ACACA: variants seen among roughly 807,000 people sequenced by gnomAD.
ACACA encodes the protein acetyl-CoA carboxylase 1.
Under a neutral mutation model 296.1 loss-of-function variants are expected in ACACA, and 103 were observed. The ratio of observed to expected loss-of-function variants is 0.35; its 90% CI spans 0.30 to 0.41. The LOEUF (loss-of-function observed/expected upper bound fraction) is 0.41. Among genes scored for constraint, ACACA ranks in the 10% least tolerant of loss-of-function variants. ACACA has a pLI of 1.00. For missense variants in ACACA, 1,554 were observed against 2,989.7 expected (o/e 0.52, Z 11.20); for synonymous variants, 953 against 1,038.6 (o/e 0.92, Z 1.58).
At chr17:37,314,803 G>A (rs1338171762) in intron 3 of ACACA, among the ~76,000 whole-genome samples, 1 of 150,364 alleles carries the variant, frequency 6.7e-6, no homozygotes, top group African/African-American at 2.4e-5. Context: ...CCCATGCCCG[G>A]GTAAGTTTTG....
At chr17:37,124,403 T>A (rs992585184) in intron 48 of ACACA, among the ~76,000 whole-genome samples, 3 of 152,238 alleles carry the variant, frequency 2.0e-5, no homozygotes, top group Non-Finnish European at 4.4e-5. Context: ...TGGGAGGATC[T>A]TAAAGAACTT....
chr17:37,095,279 C>T (rs2142653085), intron 54 of ACACA, among the ~76,000 whole-genome samples: 1 of 152,334 alleles, frequency 6.6e-6, no homozygotes, highest in South Asian at 2.1e-4. Flanking sequence ...ATGCCAACTT[C>T]CACTAGAAGC....
At chr17:37,102,440 G>T (rs1373541459) in intron 52 of ACACA, among the ~76,000 whole-genome samples, 1 of 152,136 alleles carries the variant, frequency 6.6e-6, no homozygotes, top group African/African-American at 2.4e-5. Flanking sequence ...GACCTCAGGT[G>T]ATCTGCCTGC....
At position 37,111,628 on chromosome 17, in the gene ACACA, C is replaced by T; in HGVS notation, c.6468G>A (p.Glu2156=). 1 of 1,613,910 alleles carries T rather than the reference C, an allele frequency of 6.2e-7. No individual in the cohort carries two copies. Among genetic ancestry groups the T allele is most frequent in the East Asian group, 2.2e-5 (1 of 44,882 alleles). The change falls in exon 52 of 56, where the codon GAG becomes GAA. Residue 2156 remains glutamate, a synonymous_variant. Coordinates refer to ENST00000616317, the MANE Select transcript of ACACA (RefSeq NM_198834.3). The stretch of plus-strand genomic sequence containing the variant: ...ATTTGATTTCTACTGTCCCTTCTGG[C>T]TCCAGAACAGATCCCCTGGATCAGA... ...ADRESRGSVL[E]PEGTVEIKFR...
intron 3 of ACACA, among the ~76,000 whole-genome samples, chr17:37,295,695 C>A (rs1456604732): frequency 6.6e-6 from 1 of 152,008 alleles, no homozygotes; most frequent in Non-Finnish European, 1.5e-5. Context: ...GAGGCTGAGG[C>A]GGGTGGATCA....
In ACACA at chr17:37,202,649, C is replaced by T. The variant is rs2078300612; in HGVS notation, c.4057-2166G>A. Reference sequence around the variant, plus strand: ...TATCTTTTGTTTTTTTCTTAAATTGCTTTTCTTTCCTTTTCTTTCATATAT... The same window carrying T: ...TATCTTTTGTTTTTTTCTTAAATTGTTTTTCTTTCCTTTTCTTTCATATAT... On this transcript the variant is annotated intron_variant, in intron 33 of 55. Coordinates refer to ENST00000616317, the MANE Select transcript of ACACA (RefSeq NM_198834.3). 1.0e-4 allele frequency among the ~76,000 whole-genome samples: 11 copies of T among 109,630 alleles called. No individual in the cohort carries two copies. The South Asian group carries it at 2.9e-3, about 29-fold the overall frequency. The allele number at this position is 109,630 out of a possible 152,430, so 71.9% of individuals were successfully genotyped here.
chr17:37,292,778 C>A (rs891518331), intron 3 of ACACA, among the ~76,000 whole-genome samples: 1 of 152,128 alleles, frequency 6.6e-6, no homozygotes, highest in Non-Finnish European at 1.5e-5. Flanking sequence ...ACAGGAGAAT[C>A]GCTTGAATCT....
At position 37,197,609 on chromosome 17, in the gene ACACA, T is replaced by C. The variant is rs145180817; in HGVS notation, c.4158+2530A>G. Among the ~76,000 whole-genome samples, 165 of 152,268 alleles carry C rather than the reference T, an allele frequency of 1.1e-3. 2 individuals carry two copies. The East Asian group carries it at 0.029, about 27-fold the overall frequency. On this transcript the variant is annotated intron_variant, in intron 35 of 55. Transcript: ENST00000616317. ...ACAGAGGCTAAATAAGCATCCTTCA[T>C]GAATGTCAAGCTACCATCAGCAAAA...
intron 1 of ACACA, among the ~76,000 whole-genome samples, chr17:37,390,494 G>T (rs1270212552): frequency 1.4e-5 from 2 of 147,838 alleles, no homozygotes; most frequent in African/African-American, 5.0e-5. Flanking sequence ...GGGCATGGTG[G>T]TGTGCACCCG....
intron 41 of ACACA, among the ~76,000 whole-genome samples, chr17:37,178,847 G>T (rs895049457): frequency 6.6e-6 from 1 of 151,858 alleles, no homozygotes; most frequent in South Asian, 2.1e-4. Flanking sequence ...TTCACACATA[G>T]ACAAAAACAG....
intron 45 of ACACA, chr17:37,140,904 G>A: frequency 3.7e-6 from 1 of 273,056 alleles, no homozygotes; most frequent in Non-Finnish European, 7.1e-6. Context: ...GTGCAGGGAT[G>A]AGGCGCACCA....
At chr17:37,150,934 C>T (rs2076012968) in intron 44 of ACACA, among the ~76,000 whole-genome samples, 1 of 151,968 alleles carries the variant, frequency 6.6e-6, no homozygotes, top group Non-Finnish European at 1.5e-5. Flanking sequence ...CGCCTGTAGT[C>T]CCAGCTACTC....
In ACACA at chr17:37,181,900, CAAAAAAAAA is replaced by C. The variant is rs61045031; in HGVS notation, c.4777-553_4777-545del. On this transcript the variant is annotated intron_variant, in intron 39 of 55. Transcript: ENST00000616317. ...GGGCAACAGAGCAAGACTCTGTATC[CAAAAAAAAA>C]AAAAAAAAAAAAAAAAAAAGGAAAT... Among the ~76,000 whole-genome samples, 60 of 22,236 alleles carry C rather than the reference CAAAAAAAAA, an allele frequency of 2.7e-3. No individual in the cohort carries two copies. The South Asian group carries it at 0.055, about 20-fold the overall frequency. 14.6% of individuals were successfully genotyped at this position (22,236 alleles called of 152,430 possible).
chr17:37,267,285 T>C (rs1299747860), intron 10 of ACACA, among the ~76,000 whole-genome samples: 1 of 152,184 alleles, frequency 6.6e-6, no homozygotes, highest in East Asian at 1.9e-4. Flanking sequence ...TGGTCAAATA[T>C]GGTCTCATTT....
In ACACA at chr17:37,111,633, G is replaced by A. The variant is rs1453681782; in HGVS notation, c.6463C>T (p.Leu2155=). 8 of 1,613,478 alleles carry A rather than the reference G, an allele frequency of 5.0e-6. No individual in the cohort carries two copies. The highest frequency in any genetic ancestry group is 5.9e-6 in the Non-Finnish European group (7 of 1,179,438). Residue 2155 remains leucine (L), a synonymous_variant, in exon 52 of 56, where the codon CTG becomes TTG. Transcript: ENST00000616317. ...YADRESRGSV[L]EPEGTVEIKF... ...ATTTCTACTGTCCCTTCTGGCTCCAGAACAGATCCCCTGGATCAGAAAGAA... is the reference window on the plus strand; with the variant it reads ...ATTTCTACTGTCCCTTCTGGCTCCAAAACAGATCCCCTGGATCAGAAAGAA...
rs569141628 is a variant in ACACA at position 37,165,194 on chromosome 17, C to T, written c.5080-3144G>A. On this transcript the variant is annotated intron_variant, in intron 41 of 55. Transcript: ENST00000616317. Reference sequence around the variant, plus strand: ...ATCCCAGTCTCAGTGCAGCAAGATTCCTGATCAGAAGACATTCAGTTTTGA... The same window carrying T: ...ATCCCAGTCTCAGTGCAGCAAGATTTCTGATCAGAAGACATTCAGTTTTGA... Among the ~76,000 whole-genome samples, 4 of 134,626 alleles carry T rather than the reference C, an allele frequency of 3.0e-5. No homozygotes were observed. In the South Asian group the frequency reaches 7.4e-4, roughly 25 times the overall value. The allele number at this position is 134,626 out of a possible 152,430, so 88.3% of individuals were successfully genotyped here.
intron 54 of ACACA, among the ~76,000 whole-genome samples, chr17:37,090,771 C>T (rs901199985): frequency 9.9e-5 from 15 of 152,128 alleles, no homozygotes; most frequent in Non-Finnish European, 1.6e-4. Flanking sequence ...TCCTAAACGT[C>T]GCCACCTAAA....
intron 1 of ACACA, among the ~76,000 whole-genome samples, chr17:37,361,628 G>C (rs2049409173): frequency 6.6e-6 from 1 of 152,122 alleles, no homozygotes. Context: ...AAGACAGCTG[G>C]GCAGAGAATG....
intron 52 of ACACA, among the ~76,000 whole-genome samples, chr17:37,102,888 T>C (rs561610988): frequency 6.6e-6 from 1 of 152,308 alleles, no homozygotes; most frequent in South Asian, 2.1e-4. Context: ...CTAGGAAGAT[T>C]GCAGGGCATT....
Sources: gnomAD v4.1 joint callset for allele counts (sites outside exome capture counted in the v4.1 genomes callset) on GRCh38, gnomAD v4.1.1 for gene constraint, MANE v1.5 for transcripts, NCBI Gene and HGNC (gene_info 2026-07-23, HGNC 2026-07-21) for gene names.